Variants in ACTL6A observed in about 807,000 individuals in gnomAD.
The protein encoded by ACTL6A is actin-like protein 6A.
A neutral mutation model predicts 59.2 loss-of-function variants in ACTL6A; 5 were observed. That is an observed-to-expected ratio of 0.08 (90% CI 0.04 to 0.18). The LOEUF (loss-of-function observed/expected upper bound fraction) is 0.18. ACTL6A is among the 10% of genes least tolerant of loss of function. The pLI is 1.00. For missense variants in ACTL6A, 285 were observed against 526.9 expected (o/e 0.54, Z 4.49); for synonymous variants, 154 against 171.8 (o/e 0.90, Z 0.81).
intron 12 of ACTL6A, among the ~76,000 whole-genome samples, chr3:179,584,700 G>A (rs929692193): frequency 1.3e-5 from 2 of 151,984 alleles, no homozygotes; most frequent in East Asian, 1.9e-4. Flanking sequence ...CAGCAGAATC[G>A]CTTGAACCCA....
intron 3 of ACTL6A, among the ~76,000 whole-genome samples, chr3:179,572,844 G>A (rs1718052510): frequency 6.6e-6 from 1 of 152,128 alleles, no homozygotes; most frequent in African/African-American, 2.4e-5. Flanking sequence ...ACTTATGTCA[G>A]TAGTTTTAAT....
At position 179,576,204 on chromosome 3, in the gene ACTL6A, T is replaced by C. The variant is rs758112188; in HGVS notation, c.477-13T>C. 1.9e-6 allele frequency: 3 copies of C among 1,603,820 alleles called. No individual in the cohort carries two copies. Among genetic ancestry groups the C allele is most frequent in the African/African-American group, 1.3e-5 (1 of 74,836 alleles). ...GGCCTTGATACTTTCTTTTCCTTAA[T>C]GTTTTAAACTAGATTTGCTAATGGT... On this transcript the variant is annotated splice_polypyrimidine_tract_variant and intron_variant, in intron 5 of 13. Coordinates refer to ENST00000429709, the MANE Select transcript of ACTL6A (RefSeq NM_004301.5).
chr3:179,583,705 C>T (rs1018777729), intron 12 of ACTL6A: 3 of 288,614 alleles, frequency 1.0e-5, no homozygotes, highest in Non-Finnish European at 1.3e-5. Context: ...ACACCAAGGG[C>T]TCAGTCTACT....
At chr3:179,572,276 T>A (rs879469810) in intron 3 of ACTL6A, among the ~76,000 whole-genome samples, 1 of 151,992 alleles carries the variant, frequency 6.6e-6, no homozygotes, top group East Asian at 1.9e-4. Context: ...AGAAAAAGTT[T>A]CTGGAAGCAT....
chr3:179,587,331 C>T (rs1309373991), intron 13 of ACTL6A, among the ~76,000 whole-genome samples: 5 of 152,090 alleles, frequency 3.3e-5, no homozygotes, highest in African/African-American at 1.2e-4. Context: ...AGCCTTCTGA[C>T]AGTTTCTGTT....
At chr3:179,580,399 A>C (rs1284648846) in intron 8 of ACTL6A, among the ~76,000 whole-genome samples, 2 of 152,174 alleles carry the variant, frequency 1.3e-5, no homozygotes, top group Non-Finnish European at 2.9e-5. Context: ...GCAGTTATTT[A>C]TCTCTCATTT....
intron 8 of ACTL6A, among the ~76,000 whole-genome samples, chr3:179,577,812 C>T (rs1718214160): frequency 6.6e-6 from 1 of 150,720 alleles, no homozygotes; most frequent in African/African-American, 2.4e-5. Flanking sequence ...GACATGATCT[C>T]ATTCTTTTTT....
intron 11 of ACTL6A, among the ~76,000 whole-genome samples, chr3:179,583,053 T>C (rs1031337984): frequency 2.0e-5 from 3 of 152,176 alleles, no homozygotes; most frequent in Non-Finnish European, 4.4e-5. Flanking sequence ...AGCCACTGCA[T>C]TCCAATGTAG....
At chr3:179,573,543 T>C in intron 4 of ACTL6A, 74 bp downstream of exon 4, 1 of 1,029,934 alleles carries the variant, frequency 9.7e-7, no homozygotes, top group South Asian at 1.7e-5. Flanking sequence ...TTTAGTTTTC[T>C]ACTCATTTGA....
intron 5 of ACTL6A, 53 bp from the exon 6 acceptor site, chr3:179,576,164 A>G: frequency 2.3e-6 from 3 of 1,307,774 alleles, no homozygotes; most frequent in Non-Finnish European, 3.3e-6. Flanking sequence ...CCTTTACAAT[A>G]AACATTATTT....
In ACTL6A at chr3:179,581,271, A is replaced by T. The variant is rs763621876; in HGVS notation, c.1026+51A>T. The T allele has an allele frequency of 5.5e-5, 76 of 1,392,352 alleles. No homozygotes were observed. In the South Asian group the frequency reaches 8.2e-4, roughly 15 times the overall value. The allele number at this position is 1,392,352 out of a possible 1,614,324, so 86.2% of individuals were successfully genotyped here. Reference sequence around the variant, plus strand: ...TTAAAGGTATCTTTTAGGGGACTGAAATGTCCCCAAATCATTGTTAGGTTG... The same window carrying T: ...TTAAAGGTATCTTTTAGGGGACTGATATGTCCCCAAATCATTGTTAGGTTG... On this transcript the variant is annotated intron_variant, in intron 11 of 13. Coordinates refer to ENST00000429709, the MANE Select transcript of ACTL6A (RefSeq NM_004301.5).
chr3:179,564,125 A>G (rs151123057), intron 1 of ACTL6A, among the ~76,000 whole-genome samples: 434 of 152,260 alleles, frequency 2.9e-3, no homozygotes, highest in African/African-American at 0.01. Context: ...TTCAGAATCT[A>G]CTGATTTAGA....
At chr3:179,574,881 C>G (rs934185740) in intron 5 of ACTL6A, 1 of 177,852 alleles carries the variant, frequency 5.6e-6, no homozygotes, top group South Asian at 1.2e-4. Context: ...CCTGTTCTTC[C>G]CTGCTATTTG....
chr3:179,576,978 T>G, intron 8 of ACTL6A, 65 bp downstream of exon 8: 2 of 1,322,536 alleles, frequency 1.5e-6, no homozygotes, highest in Non-Finnish European at 2.1e-6. Context: ...TAAAAAAAGT[T>G]ATATATAGGC....
intron 3 of ACTL6A, among the ~76,000 whole-genome samples, chr3:179,571,194 G>T (rs968532248): frequency 6.6e-6 from 1 of 152,100 alleles, no homozygotes; most frequent in Non-Finnish European, 1.5e-5. Context: ...TGAGACTGTG[G>T]GTGGATTGCT....
intron 5 of ACTL6A, among the ~76,000 whole-genome samples, chr3:179,575,924 G>C (rs1455566241): frequency 6.6e-6 from 1 of 152,204 alleles, no homozygotes; most frequent in Non-Finnish European, 1.5e-5. Context: ...AGTCTCCAGA[G>C]ACTTTTAGTG....
chr3:179,576,155 C>T (rs999658130), intron 5 of ACTL6A, 62 bp from the exon 6 acceptor site: 36 of 1,218,062 alleles, frequency 3.0e-5, no homozygotes, highest in Non-Finnish European at 4.3e-5. Flanking sequence ...AGAGCCTGCC[C>T]TTTACAATAA....
chr3:179,576,578 T>G (rs761718089), intron 6 of ACTL6A, 42 bp from the exon 7 acceptor site: 1 of 1,491,374 alleles, frequency 6.7e-7, no homozygotes, highest in Non-Finnish European at 9.3e-7. Context: ...CAAGGAAGTT[T>G]GGACTTACTG....
Position 179,587,956 on chromosome 3 carries a change from C to G in ACTL6A, c.1236C>G (p.Ser412=). Residue 412 remains serine (S), a synonymous_variant, in exon 14 of 14, where the codon TCC becomes TCG. Coordinates refer to ENST00000429709, the MANE Select transcript of ACTL6A (RefSeq NM_004301.5). ...SLGTFQQMWI[S]KQEYEEGGKQ... ...GTACCTTTCAACAGATGTGGATTTCCAAGCAAGAATATGAAGAAGGAGGGA... is the reference window on the plus strand; with the variant it reads ...GTACCTTTCAACAGATGTGGATTTCGAAGCAAGAATATGAAGAAGGAGGGA... 1 of 1,606,106 alleles carries G rather than the reference C, an allele frequency of 6.2e-7. No individual in the cohort carries two copies. Among genetic ancestry groups the G allele is most frequent in the South Asian group, 1.1e-5 (1 of 89,258 alleles).
Sources: gnomAD v4.1 joint callset for allele counts (sites outside exome capture counted in the v4.1 genomes callset) on GRCh38, gnomAD v4.1.1 for gene constraint, MANE v1.5 for transcripts, NCBI Gene and HGNC (gene_info 2026-07-23, HGNC 2026-07-21) for gene names.